The following GLIS3 variants were observed in gnomAD, a reference collection of about 807,000 sequenced individuals.
GLIS3 encodes zinc finger protein GLIS3.
In GLIS3, 53 loss-of-function variants were observed where a neutral mutation model predicts 78.6. The observed-to-expected ratio is 0.67, with a 90% CI of 0.54 to 0.85. The LOEUF is 0.85. Among genes scored for constraint, GLIS3 ranks in the 40% least tolerant of loss-of-function variants. The pLI is 0.00. For synonymous variants in GLIS3, 684 were observed against 509.9 expected, an observed-to-expected ratio of 1.34 and a Z score of -4.60; for missense variants, 1,703 against 1,231.1, an observed-to-expected ratio of 1.38 and a Z score of -5.74.
chr9:4,066,803 T>G (rs975031457), intron 4 of GLIS3, among the ~76,000 whole-genome samples: 1 of 152,228 alleles, frequency 6.6e-6, no homozygotes, highest in African/African-American at 2.4e-5. Context: ...CGTGCTTGTC[T>G]GCTTGCTTTC....
At chr9:3,894,416 T>C (rs1229169129) in intron 7 of GLIS3, among the ~76,000 whole-genome samples, 1 of 152,106 alleles carries the variant, frequency 6.6e-6, no homozygotes, top group Non-Finnish European at 1.5e-5. Context: ...CTAACACAAC[T>C]CTGCAAGCTG....
At chr9:3,924,722 A>G (rs2130745540) in intron 6 of GLIS3, among the ~76,000 whole-genome samples, 1 of 152,302 alleles carries the variant, frequency 6.6e-6, no homozygotes, top group Non-Finnish European at 1.5e-5. Context: ...GGACATGAAT[A>G]CTTTGGTGGG....
At chr9:4,360,849 G>A in the GLIS3 span, among the ~76,000 whole-genome samples, 1 of 152,320 alleles carries the variant, frequency 6.6e-6, no homozygotes, top group African/African-American at 2.4e-5. Context: ...GTGCATTTGG[G>A]AATGATGCCA....
chr9:4,324,823 A>G (rs1746709724), intron 2 of GLIS3, among the ~76,000 whole-genome samples: 1 of 152,162 alleles, frequency 6.6e-6, no homozygotes. Context: ...AGTTTCCAAA[A>G]ATAAAATAAA....
chr9:4,332,688 C>G (rs1251728444), intron 2 of GLIS3, among the ~76,000 whole-genome samples: 1 of 152,194 alleles, frequency 6.6e-6, no homozygotes, highest in Non-Finnish European at 1.5e-5. Flanking sequence ...ATAGAAAGTT[C>G]TCTAATCTTT....
the GLIS3 span, among the ~76,000 whole-genome samples, chr9:4,355,415 G>T: frequency 6.6e-6 from 1 of 152,262 alleles, no homozygotes; most frequent in South Asian, 2.1e-4. Context: ...TAAACTATAG[G>T]TATCACTATG....
the GLIS3 span, among the ~76,000 whole-genome samples, chr9:4,405,584 A>G: frequency 6.6e-6 from 1 of 152,146 alleles, no homozygotes; most frequent in Non-Finnish European, 1.5e-5. Flanking sequence ...GCTGTAATAA[A>G]AAGTCTCCTA....
chr9:3,987,029 G>C (rs1422728585), intron 4 of GLIS3, among the ~76,000 whole-genome samples: 4 of 152,056 alleles, frequency 2.6e-5, no homozygotes, highest in Admixed American at 2.6e-4. Context: ...GATCTGAAAA[G>C]GATTTTAAAG....
At chr9:3,897,144 T>G (rs1421060586) in intron 7 of GLIS3, among the ~76,000 whole-genome samples, 1 of 152,208 alleles carries the variant, frequency 6.6e-6, no homozygotes, top group Non-Finnish European at 1.5e-5. Flanking sequence ...TGGATAGCAT[T>G]GCTTCCCAAA....
chr9:4,484,500 C>A, the GLIS3 span, among the ~76,000 whole-genome samples: 1 of 144,632 alleles, frequency 6.9e-6, no homozygotes, highest in Non-Finnish European at 1.5e-5. Context: ...CTCACCTTAA[C>A]CTCTGCCTCT....
the GLIS3 span, among the ~76,000 whole-genome samples, chr9:4,412,162 C>G: frequency 6.6e-6 from 1 of 152,210 alleles, no homozygotes; most frequent in Non-Finnish European, 1.5e-5. Context: ...AGGTGGCACT[C>G]TTCCAAGAAG....
chr9:3,896,659 C>A (rs1376587463), intron 7 of GLIS3, among the ~76,000 whole-genome samples: 1 of 556 alleles, frequency 1.8e-3, no homozygotes, highest in Non-Finnish European at 5.2e-3. Flanking sequence ...GAGTGAGACT[C>A]CCATCTCAAT....
At chr9:4,143,213 T>C (rs1833939414) in intron 2 of GLIS3, among the ~76,000 whole-genome samples, 1 of 152,028 alleles carries the variant, frequency 6.6e-6, no homozygotes, top group African/African-American at 2.4e-5. Context: ...CCTTACATGG[T>C]TACCTTTGCA....
intron 4 of GLIS3, among the ~76,000 whole-genome samples, chr9:3,948,918 C>T (rs567997934): frequency 1.4e-4 from 22 of 152,260 alleles, no homozygotes; most frequent in Non-Finnish European, 3.1e-4. Flanking sequence ...CATCAACATC[C>T]ATCCACATGT....
rs1478532383 is a variant in GLIS3 at position 3,953,787 on chromosome 9, CTCTCTCTCTA to C, written c.1711-16608_1711-16599del. Among the ~76,000 whole-genome samples the C allele has an allele frequency of 8.6e-3, 382 of 44,322 alleles. 1 individual carries two copies. The highest frequency in any genetic ancestry group is 0.024 in the African/African-American group (287 of 12,108). 29.1% of individuals were successfully genotyped at this position (44,322 alleles called of 152,430 possible). ...TCTCTCTCTCTCTCTCTCTCTCTCT[CTCTCTCTCTA>C]TATATATATATATATATATATATAT... On this transcript the variant is annotated intron_variant, in intron 4 of 10. Transcript: ENST00000381971.
chr9:4,217,099 C>T (rs1369078116), intron 2 of GLIS3, among the ~76,000 whole-genome samples: 1 of 152,128 alleles, frequency 6.6e-6, no homozygotes, highest in Non-Finnish European at 1.5e-5. Flanking sequence ...TGATTTCTCC[C>T]ATGCCCAAGG....
Position 3,826,777 on chromosome 9 carries a change from T to C in GLIS3, c.*1495A>G, listed in dbSNP as rs901292983. ...TGTTGAAGATTGTAATGATCTCAGT[T>C]TGATAAATGGCATTGTTTCACTTTT... On this transcript the variant is annotated 3_prime_UTR_variant, in exon 11 of 11. Transcript: ENST00000381971. 6.6e-6 allele frequency: 1 copy of C among 152,208 alleles called. No individual in the cohort carries two copies. Among genetic ancestry groups the C allele is most frequent in the African/African-American group, 2.4e-5 (1 of 41,468 alleles). The allele number at this position is 152,208 out of a possible 1,614,324, so 9.4% of individuals were successfully genotyped here.
chr9:3,964,475 A>G (rs141413023), intron 4 of GLIS3, among the ~76,000 whole-genome samples: 806 of 152,312 alleles, frequency 5.3e-3, no homozygotes, highest in Non-Finnish European at 9.3e-3. Flanking sequence ...TTCTTTTCTA[A>G]TTTTCCAGGA....
chr9:3,990,947 G>A (rs1820184887), intron 4 of GLIS3, among the ~76,000 whole-genome samples: 1 of 152,044 alleles, frequency 6.6e-6, no homozygotes, highest in East Asian at 1.9e-4. Context: ...TTTGAAATAC[G>A]GAATGTCTAA....
Sources: gnomAD v4.1 joint callset for allele counts (sites outside exome capture counted in the v4.1 genomes callset) on GRCh38, gnomAD v4.1.1 for gene constraint, MANE v1.5 for transcripts, NCBI Gene and HGNC (gene_info 2026-07-23, HGNC 2026-07-21) for gene names.